The following PRMT1 variants were observed in gnomAD, a reference collection of about 807,000 sequenced individuals.
The protein encoded by PRMT1 is protein arginine N-methyltransferase 1.
PRMT1 carries 5 observed loss-of-function variants against 47.4 expected under a neutral mutation model. The observed-to-expected ratio is 0.11, with a 90% CI of 0.06 to 0.22. PRMT1 has a LOEUF of 0.22. Ranked by LOEUF, PRMT1 falls within the 10% of genes least tolerant of loss-of-function variation. The probability of loss-of-function intolerance (pLI) is 1.00; values close to 1 mark genes in which losing one functional copy is unlikely to be tolerated. For missense variants in PRMT1, 249 were observed against 518.4 expected (o/e 0.48, Z 5.05); for synonymous variants, 227 against 204.6 (o/e 1.11, Z -0.94).
In PRMT1 at chr19:49,684,030, C is replaced by A; in HGVS notation, c.516C>A (p.Ser172=). ...EWMGYCLFYE[S]MLNTVLYARD... ...TGGGCTACTGCCTCTTCTACGAGTCCATGCTCAACACCGTGCTCTATGCCC... is the reference window on the plus strand; with the variant it reads ...TGGGCTACTGCCTCTTCTACGAGTCAATGCTCAACACCGTGCTCTATGCCC... The change falls in exon 6 of 11, where the codon TCC becomes TCA. Residue 172 remains serine (S), a synonymous_variant. Coordinates refer to ENST00000454376, the MANE Select transcript of PRMT1 (RefSeq NM_001536.6). This position sits in a 1 kb window ranked among gnomAD's most constrained non-coding sequence, Gnocchi z 6.2. The A allele has an allele frequency of 6.2e-7, 1 of 1,614,204 alleles. No individual in the cohort carries two copies. Among genetic ancestry groups the A allele is most frequent in the Non-Finnish European group, 8.5e-7 (1 of 1,180,024 alleles).
Position 49,681,885 on chromosome 19 carries a change from C to A in PRMT1, c.193-25C>A. On this transcript the variant is annotated intron_variant, in intron 3 of 10. Coordinates refer to ENST00000454376, the MANE Select transcript of PRMT1 (RefSeq NM_001536.6). This position sits in a 1 kb window ranked among gnomAD's most constrained non-coding sequence, Gnocchi z 4.4. The stretch of plus-strand genomic sequence containing the variant: ...GCTGGGGATATGGGGCCCCTCACGG[C>A]GTCTCTGTGCCATTCTTGCCCTAGG... 1 of 1,599,978 alleles carries A rather than the reference C, an allele frequency of 6.3e-7. No homozygotes were observed. Among genetic ancestry groups the A allele is most frequent in the Non-Finnish European group, 8.5e-7 (1 of 1,169,828 alleles).
chr19:49,685,787 G>A lies in PRMT1; in HGVS notation c.760-306G>A. ...CCATCATGTTGTTGGACTTGTCAAG[G>A]GGTTGGGGAGACAGTGGAGTGGGGC... On this transcript the variant is annotated intron_variant, in intron 8 of 10. Transcript: ENST00000454376. The surrounding 1 kb of genome is among the most constrained non-coding windows in gnomAD (Gnocchi z 4.7). 8.4e-7 allele frequency: 1 copy of A among 1,197,064 alleles called. No homozygotes were observed. The highest frequency in any genetic ancestry group is 1.0e-6 in the Non-Finnish European group (1 of 959,518). 74.2% of individuals were successfully genotyped at this position (1,197,064 alleles called of 1,614,324 possible). A position where few individuals can be genotyped will look rare whatever the true frequency, so the allele number is the denominator to read the frequency against.
upstream of PRMT1, among the ~76,000 whole-genome samples, chr19:49,676,841 G>T (rs896552334): frequency 6.6e-6 from 1 of 152,354 alleles, no homozygotes; most frequent in Middle Eastern, 3.4e-3. Context: ...GCGTGACGTC[G>T]CTTCCGGATA....
rs2082243570 is a variant in PRMT1 at position 49,688,356 on chromosome 19, G to C, written c.*111G>C. 2 of 1,026,878 alleles carry C rather than the reference G, an allele frequency of 1.9e-6. No individual in the cohort carries two copies. The allele number at this position is 1,026,878 out of a possible 1,614,324, so 63.6% of individuals were successfully genotyped here. ...GCAGAAGGGGGTTTTAGGGGCCTGG[G>C]CTGGGGGGATGGGGAGGGCACATCG... On this transcript the variant is annotated 3_prime_UTR_variant, in exon 11 of 11. Coordinates refer to ENST00000454376, the MANE Select transcript of PRMT1 (RefSeq NM_001536.6). This position sits in a 1 kb window ranked among gnomAD's most constrained non-coding sequence, Gnocchi z 5.3.
chr19:49,683,628 C>G (rs949733166), intron 5 of PRMT1: 8 of 239,546 alleles, frequency 3.3e-5, no homozygotes, highest in Admixed American at 2.2e-4. Context: ...GCGGAGGTTG[C>G]AGTGAGCTGA....
intron 10 of PRMT1, 27 bp downstream of exon 10, chr19:49,686,753 G>C: frequency 1.3e-6 from 2 of 1,596,804 alleles, no homozygotes; most frequent in African/African-American, 1.4e-5. Context: ...CTGGGTGGGA[G>C]GGTGGCAGCT....
chr19:49,682,980 GT>G (rs2082143010), intron 5 of PRMT1, among the ~76,000 whole-genome samples: 2 of 151,778 alleles, frequency 1.3e-5, no homozygotes, highest in East Asian at 1.9e-4. Context: ...TAGAGACGGG[GT>G]TTCACCGTGT....
At chr19:49,683,078 T>C (rs1271829672) in intron 5 of PRMT1, among the ~76,000 whole-genome samples, 1 of 151,332 alleles carries the variant, frequency 6.6e-6, no homozygotes, top group Non-Finnish European at 1.5e-5. Flanking sequence ...GTGTGAACTT[T>C]TTTTTTTTTT....
At chr19:49,677,553 G>C in intron 1 of PRMT1, 1 of 392,500 alleles carries the variant, frequency 2.5e-6, no homozygotes, top group Non-Finnish European at 4.5e-6. Flanking sequence ...ACGTGGAGGA[G>C]GGCTGGGGGC....
rs1322587512 is a variant in PRMT1 at position 49,686,130 on chromosome 19, C to T, written c.797C>T (p.Thr266Ile). 1.2e-6 allele frequency: 2 copies of T among 1,613,942 alleles called. No homozygotes were observed. The highest frequency in any genetic ancestry group is 1.7e-6 in the Non-Finnish European group (2 of 1,179,966). ...TATACCGTCAAGGTGGAAGACCTGACCTTCACCTCCCCGTTCTGCCTGCAA... is the reference window on the plus strand; with the variant it reads ...TATACCGTCAAGGTGGAAGACCTGATCTTCACCTCCCCGTTCTGCCTGCAA... ...DIYTVKVEDL[T>I]FTSPFCLQVK... Residue 266 changes from threonine (T) to isoleucine (I), a missense_variant, in exon 9 of 11, where the codon ACC (threonine) becomes ATC (isoleucine). Transcript: ENST00000454376.
intron 1 of PRMT1, chr19:49,679,559 G>T: frequency 1.5e-6 from 1 of 657,420 alleles, no homozygotes. Context: ...AGCTGGCGGT[G>T]GTGGGTGCCA....
rs8100883 is a variant in PRMT1, at chr19:49,684,256, T to C, written c.555+187T>C. Among the ~76,000 whole-genome samples the C allele has an allele frequency of 0.013, 1,905 of 151,244 alleles. 50 individuals are homozygous for C. The highest frequency in any genetic ancestry group is 0.044 in the African/African-American group (1,810 of 41,172). On this transcript the variant is annotated intron_variant, in intron 6 of 10. Coordinates refer to ENST00000454376, the MANE Select transcript of PRMT1 (RefSeq NM_001536.6). The surrounding 1 kb of genome is among the most constrained non-coding windows in gnomAD (Gnocchi z 6.2). ...AGATGGTGCGATGTGGGGGAGGTCG[T>C]AGGAACAGGAAATCCGTAGCGGCGC...
In PRMT1 at chr19:49,684,606, G is replaced by T; in HGVS notation, c.556-148G>T. The T allele has an allele frequency of 1.1e-6, 1 of 945,142 alleles. No homozygotes were observed. Among genetic ancestry groups the T allele is most frequent in the Non-Finnish European group, 1.6e-6 (1 of 635,462 alleles). The allele number at this position is 945,142 out of a possible 1,614,324, so 58.5% of individuals were successfully genotyped here. A position where few individuals can be genotyped will look rare whatever the true frequency, so the allele number is the denominator to read the frequency against. On this transcript the variant is annotated intron_variant, in intron 6 of 10. Coordinates refer to ENST00000454376, the MANE Select transcript of PRMT1 (RefSeq NM_001536.6). The surrounding 1 kb of genome is among the most constrained non-coding windows in gnomAD (Gnocchi z 6.2). The stretch of plus-strand genomic sequence containing the variant: ...TGCCCCTGGGTGCCCTCTGGCGGCC[G>T]TGTGGGAAATAGACCAGGGGGCGAG...
rs1243496417 is a variant in PRMT1, at chr19:49,681,374, A to G, written c.193-536A>G. Among the ~76,000 whole-genome samples the G allele has an allele frequency of 6.6e-6, 1 of 152,088 alleles. No homozygotes were observed. Among genetic ancestry groups the G allele is most frequent in the Non-Finnish European group, 1.5e-5 (1 of 68,008 alleles). On this transcript the variant is annotated intron_variant, in intron 3 of 10. Transcript: ENST00000454376. This position sits in a 1 kb window ranked among gnomAD's most constrained non-coding sequence, Gnocchi z 4.4. ...TGAGGACTTTTAAAAGCCAGGGTTCACTGGTTCTTAGGTAGCAGTGGTGAA... is the reference window on the plus strand; with the variant it reads ...TGAGGACTTTTAAAAGCCAGGGTTCGCTGGTTCTTAGGTAGCAGTGGTGAA...
intron 5 of PRMT1, among the ~76,000 whole-genome samples, chr19:49,683,275 A>G (rs2082147958): frequency 6.6e-6 from 1 of 151,960 alleles, no homozygotes; most frequent in Admixed American, 6.6e-5. Flanking sequence ...TTTGAAGCAA[A>G]TTCCCACTGT....
rs1026039250 is a variant in PRMT1 at position 49,681,539 on chromosome 19, A to T, written c.193-371A>T. On this transcript the variant is annotated intron_variant, in intron 3 of 10. Coordinates refer to ENST00000454376, the MANE Select transcript of PRMT1 (RefSeq NM_001536.6). The surrounding 1 kb of genome is among the most constrained non-coding windows in gnomAD (Gnocchi z 4.4). ...GATCACCTGAGGTCAGGAGTTGAAGACCAACCTGGGCAATATGGTGAAACC... is the reference window on the plus strand; with the variant it reads ...GATCACCTGAGGTCAGGAGTTGAAGTCCAACCTGGGCAATATGGTGAAACC... 6.6e-6 allele frequency among the ~76,000 whole-genome samples: 1 copy of T among 152,096 alleles called. No individual in the cohort carries two copies. Among genetic ancestry groups the T allele is most frequent in the Non-Finnish European group, 1.5e-5 (1 of 68,026 alleles).
chr19:49,678,423 G>C (rs2082068906), intron 1 of PRMT1, among the ~76,000 whole-genome samples: 1 of 152,130 alleles, frequency 6.6e-6, no homozygotes, highest in South Asian at 2.1e-4. Flanking sequence ...AGCCCTCTGG[G>C]GCTGGGGTTG....
rs562136470 is a variant in PRMT1, at chr19:49,677,372, G to T, written c.36+56G>T. The T allele has an allele frequency of 6.7e-6, 9 of 1,342,094 alleles. No homozygotes were observed. The South Asian group carries it at 1.8e-4, about 27-fold the overall frequency. 83.1% of individuals were successfully genotyped at this position (1,342,094 alleles called of 1,614,324 possible). On this transcript the variant is annotated intron_variant, in intron 1 of 10. Coordinates refer to ENST00000454376, the MANE Select transcript of PRMT1 (RefSeq NM_001536.6). ...AGGCGGCTTTGGGTCGGTGTTTCAC[G>T]CCTCTGTGGTGGGGAAAGGGCTCTA...
rs959663551 is a variant in PRMT1, at chr19:49,677,324, C to G, written c.36+8C>G. On this transcript the variant is annotated splice_region_variant and intron_variant, in intron 1 of 10. Coordinates refer to ENST00000454376, the MANE Select transcript of PRMT1 (RefSeq NM_001536.6). ...GCGAACTGCATCATGGAGGTGAGCG[C>G]TTGGAGCGCCGCCGTGGGCGGGAGG... The G allele has an allele frequency of 3.6e-6, 5 of 1,393,204 alleles. No individual in the cohort carries two copies. Among genetic ancestry groups the G allele is most frequent in the Non-Finnish European group, 4.7e-6 (5 of 1,068,884 alleles). The allele number at this position is 1,393,204 out of a possible 1,614,324, so 86.3% of individuals were successfully genotyped here.
Sources: gnomAD v4.1 joint callset for allele counts (sites outside exome capture counted in the v4.1 genomes callset) on GRCh38, gnomAD v4.1.1 for gene constraint, Gnocchi (gnomAD v3.1) non-coding constraint, MANE v1.5 for transcripts, NCBI Gene and HGNC (gene_info 2026-07-23, HGNC 2026-07-21) for gene names.